PLD5: variants seen among roughly 807,000 people sequenced by gnomAD.
PLD5 encodes the protein inactive phospholipase D5.
Under a neutral mutation model 61.1 loss-of-function variants are expected in PLD5, and 36 were observed. That is an observed-to-expected ratio of 0.59 (90% CI 0.45 to 0.78). PLD5 has a LOEUF of 0.78. PLD5 is among the 30% of genes least tolerant of loss of function. The probability of loss-of-function intolerance (pLI) is 0.00; values close to 1 mark genes in which losing one functional copy is unlikely to be tolerated. For synonymous variants in PLD5, 243 were observed against 242.8 expected, an observed-to-expected ratio of 1.00 and a Z score of -0.01; for missense variants, 515 against 644.4, an observed-to-expected ratio of 0.80 and a Z score of 2.17.
chr1:242,422,656 C>T (rs1486568216), intron 1 of PLD5, among the ~76,000 whole-genome samples: 2 of 152,110 alleles, frequency 1.3e-5, no homozygotes, highest in Non-Finnish European at 2.9e-5. Flanking sequence ...ATCTGGACAC[C>T]TGGCGTCCAC....
chr1:242,306,691 CAT>C (rs1236105718), intron 2 of PLD5, among the ~76,000 whole-genome samples: 1 of 152,016 alleles, frequency 6.6e-6, no homozygotes, highest in Admixed American at 6.6e-5. Context: ...AAACTGCACT[CAT>C]ATTACCAAGG....
At chr1:242,305,653 T>G (rs575552453) in intron 2 of PLD5, among the ~76,000 whole-genome samples, 2 of 152,026 alleles carry the variant, frequency 1.3e-5, no homozygotes, top group African/African-American at 4.8e-5. Flanking sequence ...TCCATCTCCA[T>G]GGTTCAAGCG....
At chr1:242,214,525 A>G (rs967326788) in intron 5 of PLD5, among the ~76,000 whole-genome samples, 3 of 152,306 alleles carry the variant, frequency 2.0e-5, no homozygotes, top group Middle Eastern at 3.4e-3. Flanking sequence ...GCTTATGGCA[A>G]TAATCAAGCA....
intron 2 of PLD5, 88 bp from the exon 3 acceptor site, chr1:242,288,618 A>C (rs1675169581): frequency 6.9e-7 from 1 of 1,458,852 alleles, no homozygotes; most frequent in Non-Finnish European, 9.0e-7. Flanking sequence ...CAGACATCTA[A>C]AAAATATTCT....
intron 3 of PLD5, among the ~76,000 whole-genome samples, chr1:242,286,890 A>C (rs1675056161): frequency 6.6e-6 from 1 of 152,158 alleles, no homozygotes; most frequent in Non-Finnish European, 1.5e-5. Flanking sequence ...ACTTTGAGGA[A>C]TAAGGTGAAT....
intron 5 of PLD5, among the ~76,000 whole-genome samples, chr1:242,172,808 C>A (rs1177851260): frequency 1.3e-5 from 2 of 152,270 alleles, no homozygotes; most frequent in Non-Finnish European, 2.9e-5. Context: ...GACACATACA[C>A]CCTCCCAAGT....
chr1:242,443,142 G>A (rs1666352132), intron 1 of PLD5, among the ~76,000 whole-genome samples: 1 of 152,098 alleles, frequency 6.6e-6, no homozygotes, highest in African/African-American at 2.4e-5. Flanking sequence ...TGAGATTTAA[G>A]TATATACAGA....
intron 1 of PLD5, among the ~76,000 whole-genome samples, chr1:242,521,451 G>A (rs914260551): frequency 6.2e-4 from 81 of 131,654 alleles, no homozygotes; most frequent in African/African-American, 2.2e-3. Context: ...TCTGGACAGA[G>A]CCCACACACT....
At chr1:242,093,944 G>A (rs536182130) in intron 9 of PLD5, among the ~76,000 whole-genome samples, 39 of 151,784 alleles carry the variant, frequency 2.6e-4, no homozygotes, top group African/African-American at 9.4e-4. Context: ...ATGCTCAAAA[G>A]CTTTAATTAG....
chr1:242,120,288 T>C (rs1402115077), intron 6 of PLD5, among the ~76,000 whole-genome samples: 1 of 152,050 alleles, frequency 6.6e-6, no homozygotes, highest in Non-Finnish European at 1.5e-5. Flanking sequence ...CCCACTAAAT[T>C]GTATGCTTTA....
At chr1:242,511,866 G>A (rs924328144) in intron 1 of PLD5, among the ~76,000 whole-genome samples, 2 of 152,186 alleles carry the variant, frequency 1.3e-5, no homozygotes, top group African/African-American at 4.8e-5. Flanking sequence ...GGAAAAAGGT[G>A]TATAGGAGAT....
chr1:242,394,206 G>GTATATGAGTATATATATGTGTATA (rs1346814261), intron 1 of PLD5, among the ~76,000 whole-genome samples: 884 of 37,336 alleles, frequency 0.024, 267 homozygotes, highest in Admixed American at 0.069. Context: ...ATATATATGT[G>GTATATGAGTATATATATGTGTATA]TATATGAGTA....
chr1:242,294,359 G>A (rs1198084625), intron 2 of PLD5, among the ~76,000 whole-genome samples: 1 of 152,114 alleles, frequency 6.6e-6, no homozygotes, highest in African/African-American at 2.4e-5. Flanking sequence ...CAAACTTAAT[G>A]TGATCATCCA....
intron 1 of PLD5, among the ~76,000 whole-genome samples, chr1:242,473,396 T>C (rs1667499009): frequency 6.6e-6 from 1 of 152,152 alleles, no homozygotes; most frequent in Non-Finnish European, 1.5e-5. Flanking sequence ...ACTTACTCCC[T>C]TGTACAGGGC....
intron 5 of PLD5, among the ~76,000 whole-genome samples, chr1:242,146,544 T>C (rs911924001): frequency 3.7e-4 from 56 of 152,194 alleles, no homozygotes; most frequent in Middle Eastern, 3.2e-3. Flanking sequence ...TTAGGTTTTT[T>C]TCACAGCATG....
chr1:242,241,898 TATATATATATATAC>T (rs1257956786), intron 4 of PLD5, among the ~76,000 whole-genome samples: 2 of 43,792 alleles, frequency 4.6e-5, no homozygotes, highest in African/African-American at 1.9e-4. Context: ...TATATATATA[TATATATATATATAC>T]TTACTGTATA....
At chr1:242,290,392 G>A (rs1675287103) in intron 2 of PLD5, among the ~76,000 whole-genome samples, 1 of 151,958 alleles carries the variant, frequency 6.6e-6, no homozygotes. Flanking sequence ...ATATTTGTGA[G>A]TTAGTGAGCC....
At chr1:242,511,523 T>C (rs1330757939) in intron 1 of PLD5, among the ~76,000 whole-genome samples, 1 of 151,884 alleles carries the variant, frequency 6.6e-6, no homozygotes, top group Non-Finnish European at 1.5e-5. Flanking sequence ...TGATATGATG[T>C]GACAAGAAGT....
intron 1 of PLD5, among the ~76,000 whole-genome samples, chr1:242,432,911 C>T (rs1481471266): frequency 1.3e-5 from 2 of 152,110 alleles, no homozygotes; most frequent in Non-Finnish European, 1.5e-5. Context: ...TGGAATTTTT[C>T]GGATTTAAAA....
Sources: allele counts gnomAD v4.1 joint callset (sites outside exome capture counted in the v4.1 genomes callset), GRCh38; gene constraint gnomAD v4.1.1; transcripts MANE v1.5; gene names NCBI Gene and HGNC (gene_info 2026-07-23, HGNC 2026-07-21).